ARHGAP17: variants seen among roughly 807,000 people sequenced by gnomAD.
The protein encoded by ARHGAP17 is Rho GTPase activating protein 17.
In ARHGAP17, 57 loss-of-function variants were observed where a neutral mutation model predicts 99.5. The ratio of observed to expected loss-of-function variants is 0.57; its 90% CI spans 0.46 to 0.71. ARHGAP17 has a LOEUF of 0.71. Among genes scored for constraint, ARHGAP17 ranks in the 30% least tolerant of loss-of-function variants. The pLI is 0.00. For missense variants in ARHGAP17, 1,000 were observed against 1,122.4 expected, an observed-to-expected ratio of 0.89 and a Z score of 1.56; for synonymous variants, 417 against 429.6, an observed-to-expected ratio of 0.97 and a Z score of 0.36.
intron 19 of ARHGAP17, among the ~76,000 whole-genome samples, chr16:24,929,068 G>A (rs1363351138): frequency 6.6e-6 from 1 of 152,124 alleles, no homozygotes; most frequent in African/African-American, 2.4e-5. Context: ...TTGGTTGGAT[G>A]CTGGTGAGCC....
At position 24,992,641 on chromosome 16, in the gene ARHGAP17, T is replaced by C. The variant is rs969356217; in HGVS notation, c.54-13636A>G. Among the ~76,000 whole-genome samples, 4 of 152,100 alleles carry C rather than the reference T, an allele frequency of 2.6e-5. No individual in the cohort carries two copies. In the East Asian group the frequency reaches 7.7e-4, roughly 29 times the overall value. On this transcript the variant is annotated intron_variant, in intron 1 of 19. Transcript: ENST00000289968. ...GAGCCACCGTGCCTGGCCCAACACA[T>C]AGCTATTTTAACAGAAAGAGTACAG...
At chr16:24,923,820 A>G (rs2152437742) in intron 19 of ARHGAP17, among the ~76,000 whole-genome samples, 1 of 151,506 alleles carries the variant, frequency 6.6e-6, no homozygotes, top group South Asian at 2.1e-4. Flanking sequence ...TTCATCTCAG[A>G]TTTGGGGCTC....
intron 15 of ARHGAP17, 77 bp downstream of exon 15, chr16:24,943,694 G>C (rs1379619665): frequency 2.4e-6 from 3 of 1,254,344 alleles, no homozygotes; most frequent in Non-Finnish European, 2.3e-6. Flanking sequence ...AAGGATTACA[G>C]ATGTATTCTC....
intron 1 of ARHGAP17, among the ~76,000 whole-genome samples, chr16:24,980,945 T>C (rs1156393462): frequency 6.6e-6 from 1 of 151,808 alleles, no homozygotes; most frequent in African/African-American, 2.4e-5. Flanking sequence ...TTTCACAAGT[T>C]CAAAAAAAGA....
chr16:24,954,737 C>A lies in ARHGAP17; in HGVS notation c.725-7G>T. ...GGTTTTTCCGCCCACTTATCTAGAG[C>A]AGCAAATTGTTCAGTTAGACACCCA... On this transcript the variant is annotated splice_region_variant and splice_polypyrimidine_tract_variant and intron_variant, in intron 9 of 19. Transcript: ENST00000289968. 2 of 1,613,342 alleles carry A rather than the reference C, an allele frequency of 1.2e-6. No individual in the cohort carries two copies. The highest frequency in any genetic ancestry group is 1.7e-6 in the Non-Finnish European group (2 of 1,179,604).
At chr16:24,972,295 C>T (rs1438862025) in intron 3 of ARHGAP17, among the ~76,000 whole-genome samples, 1 of 152,034 alleles carries the variant, frequency 6.6e-6, no homozygotes, top group African/African-American at 2.4e-5. Context: ...GAATTTTGAC[C>T]GTGTAAATGT....
chr16:24,984,457 G>T (rs1358351752), intron 1 of ARHGAP17, among the ~76,000 whole-genome samples: 1 of 152,028 alleles, frequency 6.6e-6, no homozygotes. Flanking sequence ...ACGAGGTCAG[G>T]AGATCGAGAC....
Position 24,930,915 on chromosome 16 carries a change from G to C in ARHGAP17, c.2384C>G (p.Pro795Arg), listed in dbSNP as rs370125785. The change falls in exon 19 of 20, where the codon CCG (proline) becomes CGG (arginine). Residue 795 changes from proline to arginine, a missense_variant. Pro to Arg is a moderately radical substitution (Grantham distance 103). Coordinates refer to ENST00000289968, the MANE Select transcript of ARHGAP17 (RefSeq NM_001006634.3). ...TGGCTTTGGTACTGGTCTCGGTCTC[G>C]GTAAGGTTCCAGCATGTGGCTGTGC... ...ETAQPHAGTL[P>R]RPRPVPKPRN... 6.2e-7 allele frequency: 1 copy of C among 1,613,996 alleles called. No homozygotes were observed. Among genetic ancestry groups the C allele is most frequent in the Admixed American group, 1.7e-5 (1 of 60,004 alleles).
chr16:24,927,062 G>C (rs745843362), intron 19 of ARHGAP17, among the ~76,000 whole-genome samples: 7 of 152,132 alleles, frequency 4.6e-5, no homozygotes, highest in Non-Finnish European at 7.3e-5. Flanking sequence ...CCTAAGGTCA[G>C]GAGTTCGAGA....
At chr16:24,943,342 A>G (rs566540739) in intron 15 of ARHGAP17, among the ~76,000 whole-genome samples, 1 of 152,312 alleles carries the variant, frequency 6.6e-6, no homozygotes, top group South Asian at 2.1e-4. Flanking sequence ...AGCATATTCA[A>G]CATCGCCTCT....
At chr16:24,935,991 T>A in intron 17 of ARHGAP17, 1 of 338,668 alleles carries the variant, frequency 3.0e-6, no homozygotes, top group Non-Finnish European at 5.7e-6. Flanking sequence ...CAGACTGGAC[T>A]CCAACGACTC....
At chr16:24,980,873 C>G (rs928026262) in intron 1 of ARHGAP17, among the ~76,000 whole-genome samples, 2 of 152,158 alleles carry the variant, frequency 1.3e-5, no homozygotes, top group Non-Finnish European at 2.9e-5. Context: ...CACCTCAACT[C>G]TAAAATGACT....
At chr16:25,001,278 C>G in intron 1 of ARHGAP17, among the ~76,000 whole-genome samples, 1 of 151,932 alleles carries the variant, frequency 6.6e-6, no homozygotes, top group Non-Finnish European at 1.5e-5. Flanking sequence ...AAAAAAATAC[C>G]TGGGAAGCAT....
intron 1 of ARHGAP17, among the ~76,000 whole-genome samples, chr16:24,983,980 T>C (rs533374467): frequency 3.9e-5 from 6 of 152,154 alleles, no homozygotes; most frequent in Non-Finnish European, 8.8e-5. Context: ...AACCCTGCAG[T>C]GTGGCTAATA....
intron 1 of ARHGAP17, among the ~76,000 whole-genome samples, chr16:25,006,693 C>T (rs1330441112): frequency 6.6e-6 from 1 of 152,168 alleles, no homozygotes; most frequent in Non-Finnish European, 1.5e-5. Context: ...TAGTGAGTGG[C>T]TGTGTTCCAG....
chr16:24,988,050 C>T (rs969826024), intron 1 of ARHGAP17, among the ~76,000 whole-genome samples: 3 of 152,174 alleles, frequency 2.0e-5, no homozygotes, highest in African/African-American at 7.2e-5. Context: ...AACACTGTCA[C>T]CTCCCGTTAC....
At chr16:24,946,667 C>T (rs1232964756) in intron 14 of ARHGAP17, among the ~76,000 whole-genome samples, 2 of 152,042 alleles carry the variant, frequency 1.3e-5, no homozygotes, top group Non-Finnish European at 2.9e-5. Flanking sequence ...TGAAGGATGC[C>T]CTCCTTATAC....
intron 16 of ARHGAP17, 186 bp downstream of exon 16, chr16:24,941,801 C>T: frequency 1.4e-6 from 1 of 722,958 alleles, no homozygotes; most frequent in Non-Finnish European, 2.3e-6. Flanking sequence ...AGAAGCTACA[C>T]ACTGACTTTA....
intron 7 of ARHGAP17, 125 bp downstream of exon 7, chr16:24,964,072 C>A: frequency 1.7e-6 from 1 of 595,970 alleles, no homozygotes; most frequent in Non-Finnish European, 2.7e-6. Context: ...AAAATAAAAC[C>A]TACCTTTAAA....
Sources: allele counts gnomAD v4.1 joint callset (sites outside exome capture counted in the v4.1 genomes callset), GRCh38; gene constraint gnomAD v4.1.1; transcripts MANE v1.5; gene names NCBI Gene and HGNC (gene_info 2026-07-23, HGNC 2026-07-21).